Variants in ZNF384 observed in about 807,000 individuals in gnomAD.
ZNF384 encodes CAG repeat protein 1.
Under a neutral mutation model 65.0 loss-of-function variants are expected in ZNF384, and 20 were observed. The observed-to-expected ratio is 0.31, with a 90% CI of 0.22 to 0.45. ZNF384 has a LOEUF of 0.45. ZNF384 is among the 20% of genes least tolerant of loss of function. The probability of loss-of-function intolerance (pLI) is 1.00; values close to 1 mark genes in which losing one functional copy is unlikely to be tolerated. For missense variants in ZNF384, 549 were observed against 769.4 expected (o/e 0.71, Z 3.39); for synonymous variants, 310 against 303.9 (o/e 1.02, Z -0.21).
intron 3 of ZNF384, 61 bp downstream of exon 3, chr12:6,679,394 C>A (rs1203794398): frequency 1.3e-6 from 2 of 1,500,774 alleles, no homozygotes; most frequent in South Asian, 1.1e-5. Context: ...TACCTTCAGT[C>A]TCCATAGTAA....
At chr12:6,676,265 C>T (rs766029498) in intron 7 of ZNF384, among the ~76,000 whole-genome samples, 29 of 151,908 alleles carry the variant, frequency 1.9e-4, no homozygotes, top group Admixed American at 1.3e-3. Context: ...TGTGCCACTG[C>T]ACACCAGCCT....
intron 2 of ZNF384, among the ~76,000 whole-genome samples, chr12:6,684,647 C>G (rs979716254): frequency 6.6e-6 from 1 of 152,148 alleles, no homozygotes; most frequent in Non-Finnish European, 1.5e-5. Context: ...ATAAATAGGT[C>G]AGCCCAAAAG....
At chr12:6,675,638 T>G (rs1953209683) in intron 7 of ZNF384, among the ~76,000 whole-genome samples, 2 of 152,142 alleles carry the variant, frequency 1.3e-5, no homozygotes, top group Non-Finnish European at 2.9e-5. Flanking sequence ...ATCCATATCA[T>G]GGGGTGCCTT....
chr12:6,668,446 TA>T (rs1316176332), intron 11 of ZNF384, among the ~76,000 whole-genome samples: 1 of 152,128 alleles, frequency 6.6e-6, no homozygotes, highest in African/African-American at 2.4e-5. Flanking sequence ...CTCACACCTG[TA>T]ATCCCAGTAC....
At chr12:6,676,963 A>G (rs1028585671) in intron 7 of ZNF384, among the ~76,000 whole-genome samples, 1 of 152,198 alleles carries the variant, frequency 6.6e-6, no homozygotes, top group Non-Finnish European at 1.5e-5. Context: ...CGGTTTAAAC[A>G]CTCTGTAGGC....
At position 6,672,911 on chromosome 12, in the gene ZNF384, T is replaced by G; in HGVS notation, c.1004+305A>C. On this transcript the variant is annotated intron_variant, in intron 8 of 11. Transcript: ENST00000683879. The surrounding 1 kb of genome is among the most constrained non-coding windows in gnomAD (Gnocchi z 4.4). Reference sequence around the variant, plus strand: ...TGTTCCCCATGGACCTGAAGTTGAATGCACACCTTGGCTCTGAACTGAAGC... The same window carrying G: ...TGTTCCCCATGGACCTGAAGTTGAAGGCACACCTTGGCTCTGAACTGAAGC... The G allele has an allele frequency of 2.2e-6, 1 of 458,744 alleles. No individual in the cohort carries two copies. 28.4% of individuals were successfully genotyped at this position (458,744 alleles called of 1,614,324 possible).
intron 7 of ZNF384, among the ~76,000 whole-genome samples, chr12:6,674,109 T>C (rs556708699): frequency 8.5e-5 from 13 of 152,206 alleles, no homozygotes; most frequent in Non-Finnish European, 1.5e-4. Context: ...ACTTTTGCAA[T>C]GACCAACGTA....
At chr12:6,680,121 C>T (rs1286352734) in intron 2 of ZNF384, among the ~76,000 whole-genome samples, 1 of 152,208 alleles carries the variant, frequency 6.6e-6, no homozygotes, top group Non-Finnish European at 1.5e-5. Flanking sequence ...GACACTATGC[C>T]AGACTAATTT....
chr12:6,672,100 GT>G lies in ZNF384; in HGVS notation c.1187+249del. 1 of 451,760 alleles carries G rather than the reference GT, an allele frequency of 2.2e-6. No homozygotes were observed. Among genetic ancestry groups the G allele is most frequent in the East Asian group, 3.8e-5 (1 of 26,640 alleles). 28.0% of individuals were successfully genotyped at this position (451,760 alleles called of 1,614,324 possible). On this transcript the variant is annotated intron_variant, in intron 9 of 11. Transcript: ENST00000683879. This position sits in a 1 kb window ranked among gnomAD's most constrained non-coding sequence, Gnocchi z 4.4. ...TTGTTTCTACTCCAGGTACGTGTCT[GT>G]CTCCCATGGATCAGTGAATATCATA...
rs1055997417 is a variant in ZNF384, at chr12:6,672,100, G to A, written c.1187+250C>T. Reference sequence around the variant, plus strand: ...TTGTTTCTACTCCAGGTACGTGTCTGTCTCCCATGGATCAGTGAATATCAT... The same window carrying A: ...TTGTTTCTACTCCAGGTACGTGTCTATCTCCCATGGATCAGTGAATATCAT... On this transcript the variant is annotated intron_variant, in intron 9 of 11. Coordinates refer to ENST00000683879, the MANE Select transcript of ZNF384 (RefSeq NM_001385745.1). This position sits in a 1 kb window ranked among gnomAD's most constrained non-coding sequence, Gnocchi z 4.4. 12 of 451,760 alleles carry A rather than the reference G, an allele frequency of 2.7e-5. No individual in the cohort carries two copies. The highest frequency in any genetic ancestry group is 4.8e-5 in the Non-Finnish European group (12 of 250,094). 28.0% of individuals were successfully genotyped at this position (451,760 alleles called of 1,614,324 possible). A position where few individuals can be genotyped will look rare whatever the true frequency, so the allele number is the denominator to read the frequency against.
chr12:6,682,327 AAACAAAAC>A (rs1956297103), intron 2 of ZNF384, among the ~76,000 whole-genome samples: 1 of 86,082 alleles, frequency 1.2e-5, no homozygotes, highest in Non-Finnish European at 2.4e-5. Context: ...CTCCAAAACA[AAACAAAAC>A]AAAACAAAAC....
Position 6,673,357 on chromosome 12 carries a change from T to C in ZNF384, c.863A>G (p.Lys288Arg), listed in dbSNP as rs1952254143. ...SKSHTETKPHKCPHCSKTFAN... is the reference protein window; with the variant it reads ...SKSHTETKPHRCPHCSKTFAN... Reference sequence around the variant, plus strand: ...GAAGGTCTTGGAGCAATGTGGGCACTTGTGGGGCTTGGTCTCGGTGTGTGA... The same window carrying C: ...GAAGGTCTTGGAGCAATGTGGGCACCTGTGGGGCTTGGTCTCGGTGTGTGA... The change falls in exon 8 of 12, where the codon AAG (lysine) becomes AGG (arginine). Residue 288 changes from lysine (K) to arginine (R), a missense_variant. By Grantham distance (26) the Lys-to-Arg change is conservative. This residue lies in a region of ZNF384 where 39 missense variants were observed against 85.8 expected (regional missense o/e 0.45). Transcript: ENST00000683879. The surrounding 1 kb of genome is among the most constrained non-coding windows in gnomAD (Gnocchi z 4.7). 1 of 1,613,674 alleles carries C rather than the reference T, an allele frequency of 6.2e-7. No homozygotes were observed. Among genetic ancestry groups the C allele is most frequent in the Non-Finnish European group, 8.5e-7 (1 of 1,179,874 alleles).
At chr12:6,675,683 G>T (rs1592382180) in intron 7 of ZNF384, among the ~76,000 whole-genome samples, 1 of 152,162 alleles carries the variant, frequency 6.6e-6, no homozygotes, top group Non-Finnish European at 1.5e-5. Flanking sequence ...AACACAATGA[G>T]AACGGGACCC....
chr12:6,679,410 C>T (rs1385285560), intron 3 of ZNF384, 45 bp downstream of exon 3: 2 of 1,554,746 alleles, frequency 1.3e-6, no homozygotes, highest in African/African-American at 1.4e-5. Context: ...AGTAACAGAA[C>T]TTACTACTGA....
chr12:6,669,647 T>C (rs762834088), intron 10 of ZNF384, among the ~76,000 whole-genome samples: 3 of 151,996 alleles, frequency 2.0e-5, no homozygotes, highest in Non-Finnish European at 4.4e-5. Flanking sequence ...TACAGGCACA[T>C]GCCACCAGGC....
chr12:6,686,200 T>C (rs938434679), intron 2 of ZNF384, among the ~76,000 whole-genome samples: 3 of 152,202 alleles, frequency 2.0e-5, no homozygotes, highest in Non-Finnish European at 4.4e-5. Context: ...TAGAAAACCA[T>C]GAAATACACT....
chr12:6,673,479 CA>C lies in ZNF384; in HGVS notation c.780-40del, dbSNP rs538847579. ...GGGCAATGGTTAGAACCCTTCCCAT[CA>C]AGAAGGTGTGGCTGAACCCTCCCCT... On this transcript the variant is annotated intron_variant, in intron 7 of 11. Coordinates refer to ENST00000683879, the MANE Select transcript of ZNF384 (RefSeq NM_001385745.1). This position sits in a 1 kb window ranked among gnomAD's most constrained non-coding sequence, Gnocchi z 4.7. 4.5e-5 allele frequency: 71 copies of C among 1,590,532 alleles called. 1 individual carries two copies. In the African/African-American group the frequency reaches 8.2e-4, roughly 18 times the overall value.
chr12:6,687,695 G>T (rs1958459729), intron 2 of ZNF384, among the ~76,000 whole-genome samples: 1 of 151,742 alleles, frequency 6.6e-6, no homozygotes. Flanking sequence ...AAATAACCCT[G>T]TGTCACAGAT....
At chr12:6,677,417 A>T (rs1201532060) in intron 6 of ZNF384, among the ~76,000 whole-genome samples, 158 bp from the exon 7 acceptor site, 2 of 152,234 alleles carry the variant, frequency 1.3e-5, no homozygotes, top group Non-Finnish European at 1.5e-5. Flanking sequence ...CCACTAGGGC[A>T]CGTGACAGTT....
Sources: gnomAD v4.1 joint callset for allele counts (sites outside exome capture counted in the v4.1 genomes callset) on GRCh38, gnomAD v4.1.1 for gene constraint, gnomAD v4.1.1 regional missense constraint, Gnocchi (gnomAD v3.1) non-coding constraint, MANE v1.5 for transcripts, NCBI Gene and HGNC (gene_info 2026-07-23, HGNC 2026-07-21) for gene names.